SPAG9: variants seen among roughly 807,000 people sequenced by gnomAD.
SPAG9 encodes the protein sperm associated antigen 9, also known as C-Jun-amino-terminal kinase-interacting protein 4.
In SPAG9, 35 loss-of-function variants were observed where a neutral mutation model predicts 166.5. The observed-to-expected ratio is 0.21, with a 90% CI of 0.16 to 0.28. The LOEUF is 0.28. Ranked by LOEUF, SPAG9 falls within the 10% of genes least tolerant of loss-of-function variation. The probability of loss-of-function intolerance (pLI) is 1.00; values close to 1 mark genes in which losing one functional copy is unlikely to be tolerated. For synonymous variants in SPAG9, 534 were observed against 565.5 expected, an observed-to-expected ratio of 0.94 and a Z score of 0.79; for missense variants, 1,235 against 1,603.3, an observed-to-expected ratio of 0.77 and a Z score of 3.92.
intron 4 of SPAG9, among the ~76,000 whole-genome samples, chr17:51,043,603 C>T (rs117741714): frequency 0.017 from 2,519 of 152,196 alleles, 38 homozygotes; most frequent in Middle Eastern, 0.027. Flanking sequence ...TGTTTTCCCC[C>T]CATATTTTGT....
rs375073112 is a variant in SPAG9 at position 50,970,819 on chromosome 17, C to T, written c.3738G>A (p.Thr1246=). The stretch of plus-strand genomic sequence containing the variant: ...GCCCTGCTTTGTCACCCGTCAGATC[C>T]GTGCCACTACTGCTACTTTGTGGGC... ...VISPQSSSSG[T]DLTGDKAGPS... The change falls in exon 29 of 30, where the codon ACG becomes ACA. Residue 1246 remains threonine (T), a synonymous_variant. Coordinates refer to ENST00000262013, the MANE Select transcript of SPAG9 (RefSeq NM_001130528.3). The T allele has an allele frequency of 8.7e-6, 14 of 1,613,938 alleles. No homozygotes were observed. Among genetic ancestry groups the T allele is most frequent in the Middle Eastern group, 1.6e-4 (1 of 6,084 alleles).
chr17:51,093,587 C>T (rs1316181528), intron 1 of SPAG9, among the ~76,000 whole-genome samples: 1 of 144,488 alleles, frequency 6.9e-6, no homozygotes, highest in African/African-American at 2.6e-5. Flanking sequence ...CCCTGCTACT[C>T]GGGAGGCTGA....
intron 22 of SPAG9, 70 bp from the exon 23 acceptor site, chr17:50,985,848 C>A: frequency 3.6e-6 from 3 of 837,278 alleles, no homozygotes; most frequent in Admixed American, 2.6e-5. Flanking sequence ...TAACAATGAT[C>A]GCGAAGTTCA....
intron 1 of SPAG9, among the ~76,000 whole-genome samples, chr17:51,106,356 CTG>C (rs2048951237): frequency 6.6e-5 from 10 of 151,974 alleles, no homozygotes; most frequent in Admixed American, 6.6e-4. Flanking sequence ...AATAAAGTAC[CTG>C]CCACTCTAGT....
At chr17:50,996,269 T>C in intron 16 of SPAG9, 1 of 264,792 alleles carries the variant, frequency 3.8e-6, no homozygotes, top group Non-Finnish European at 7.1e-6. Flanking sequence ...AAATGAAATC[T>C]TCAAATATTA....
At chr17:51,046,743 T>TC in intron 4 of SPAG9, 1 of 1,535,624 alleles carries the variant, frequency 6.5e-7, no homozygotes, top group Non-Finnish European at 8.7e-7. Context: ...TGAGGATCTG[T>TC]CATTCAGCTT....
At chr17:51,097,845 G>A (rs1170115937) in intron 1 of SPAG9, among the ~76,000 whole-genome samples, 1 of 152,094 alleles carries the variant, frequency 6.6e-6, no homozygotes, top group Admixed American at 6.6e-5. Flanking sequence ...TGCCTGGGTT[G>A]GAGTGCAGGT....
chr17:51,118,987 T>C (rs1226644930), intron 1 of SPAG9, among the ~76,000 whole-genome samples: 1 of 135,998 alleles, frequency 7.4e-6, no homozygotes, highest in Non-Finnish European at 1.5e-5. Context: ...TGAGCCAAGA[T>C]CACTCCACTG....
In SPAG9 at chr17:51,111,976, G is replaced by T. The variant is rs540632761; in HGVS notation, c.303+8378C>A. ...GGGACACATAATGGTATCTCATTTA[G>T]ATATTCACATTCAGAAATCTCAAAT... On this transcript the variant is annotated intron_variant, in intron 1 of 29. Transcript: ENST00000262013. 3.3e-5 allele frequency among the ~76,000 whole-genome samples: 5 copies of T among 152,084 alleles called. No homozygotes were observed. In the East Asian group the frequency reaches 9.7e-4, roughly 29 times the overall value.
intron 1 of SPAG9, among the ~76,000 whole-genome samples, chr17:51,083,154 AGT>A (rs933822399): frequency 2.0e-5 from 3 of 151,912 alleles, no homozygotes; most frequent in Admixed American, 6.6e-5. Context: ...GAATTTTCCC[AGT>A]GTGTTTTGTT....
intron 19 of SPAG9, among the ~76,000 whole-genome samples, chr17:50,993,520 A>T (rs1156954794): frequency 1.3e-5 from 2 of 152,208 alleles, no homozygotes; most frequent in African/African-American, 4.8e-5. Context: ...TAATTAATCC[A>T]AACAGTCCTC....
At chr17:50,990,901 A>T (rs908212644) in intron 19 of SPAG9, among the ~76,000 whole-genome samples, 4 of 151,926 alleles carry the variant, frequency 2.6e-5, no homozygotes, top group South Asian at 2.1e-4. Context: ...AATGTCAGAA[A>T]ATAAACTTTT....
intron 1 of SPAG9, among the ~76,000 whole-genome samples, chr17:51,112,768 T>C (rs948790377): frequency 5.3e-5 from 7 of 130,882 alleles, no homozygotes; most frequent in Non-Finnish European, 1.6e-5. Flanking sequence ...CTGGGCAACA[T>C]AGTGAGTTCA....
intron 2 of SPAG9, among the ~76,000 whole-genome samples, chr17:51,058,066 A>G (rs1381068587): frequency 2.0e-5 from 3 of 152,206 alleles, no homozygotes. Flanking sequence ...TCTATTTTCA[A>G]TTGTTCATCT....
chr17:51,029,753 C>T (rs1049414570), intron 6 of SPAG9, among the ~76,000 whole-genome samples: 3 of 151,948 alleles, frequency 2.0e-5, no homozygotes, highest in South Asian at 2.1e-4. Flanking sequence ...TGGTAGTTTC[C>T]GGGGCTACAG....
intron 1 of SPAG9, among the ~76,000 whole-genome samples, chr17:51,112,800 CCT>C (rs1410074696): frequency 4.0e-5 from 6 of 150,458 alleles, no homozygotes; most frequent in Non-Finnish European, 5.9e-5. Context: ...ATAACGAGAC[CCT>C]GTTTCTACAA....
chr17:51,084,975 C>T (rs138773470), intron 1 of SPAG9, among the ~76,000 whole-genome samples: 20 of 152,134 alleles, frequency 1.3e-4, no homozygotes, highest in African/African-American at 4.1e-4. Flanking sequence ...CTCAGCCTCC[C>T]GAGTAGCTAG....
chr17:51,118,643 C>A (rs534753723), intron 1 of SPAG9, among the ~76,000 whole-genome samples: 57 of 152,332 alleles, frequency 3.7e-4, no homozygotes, highest in African/African-American at 1.3e-3. Context: ...AGCACTTGAC[C>A]TCTGTTCTAT....
At chr17:51,044,721 G>A (rs2046959335) in intron 4 of SPAG9, among the ~76,000 whole-genome samples, 1 of 152,252 alleles carries the variant, frequency 6.6e-6, no homozygotes, top group African/African-American at 2.4e-5. Flanking sequence ...GTGATGCTCA[G>A]AGATTTTAGG....
Sources: allele counts gnomAD v4.1 joint callset (sites outside exome capture counted in the v4.1 genomes callset), GRCh38; gene constraint gnomAD v4.1.1; transcripts MANE v1.5; gene names NCBI Gene and HGNC (gene_info 2026-07-23, HGNC 2026-07-21).